INSRR: variants seen among roughly 807,000 people sequenced by gnomAD.
INSRR encodes insulin receptor related receptor.
INSRR carries 114 observed loss-of-function variants against 130.0 expected under a neutral mutation model. That is an observed-to-expected ratio of 0.88 (90% CI 0.75 to 1.02). INSRR has a LOEUF of 1.02. INSRR is among the 50% of genes least tolerant of loss of function. INSRR has a pLI of 0.00. For synonymous variants in INSRR, 674 were observed against 705.2 expected, an observed-to-expected ratio of 0.96 and a Z score of 0.70; for missense variants, 1,657 against 1,735.2, an observed-to-expected ratio of 0.95 and a Z score of 0.80.
chr1:156,849,503 C>CTGG, intron 5 of INSRR, 43 bp from the exon 6 acceptor site: 3 of 483,644 alleles, frequency 6.2e-6, no homozygotes, highest in Non-Finnish European at 1.0e-5. Flanking sequence ...GAGGTGGGGG[C>CTGG]AGGGGGTGGG....
In INSRR at chr1:156,854,431, G is replaced by A; in HGVS notation, c.86-128C>T. On this transcript the variant is annotated intron_variant, in intron 1 of 21. Transcript: ENST00000368195. The surrounding 1 kb of genome is among the most constrained non-coding windows in gnomAD (Gnocchi z 4.2). Reference sequence around the variant, plus strand: ...AGTGAGGAGCCGGGCTCTGCTCTGGGTGTGGGGTGGCCTCCTTCCTGGGCC... The same window carrying A: ...AGTGAGGAGCCGGGCTCTGCTCTGGATGTGGGGTGGCCTCCTTCCTGGGCC... 9.8e-7 allele frequency: 1 copy of A among 1,021,074 alleles called. No individual in the cohort carries two copies. Among genetic ancestry groups the A allele is most frequent in the Non-Finnish European group, 1.4e-6 (1 of 716,640 alleles). The allele number at this position is 1,021,074 out of a possible 1,614,324, so 63.3% of individuals were successfully genotyped here. A position where few individuals can be genotyped will look rare whatever the true frequency, so the allele number is the denominator to read the frequency against.
At chr1:156,842,326 C>T in intron 18 of INSRR, 55 bp from the exon 19 acceptor site, 1 of 1,613,344 alleles carries the variant, frequency 6.2e-7, no homozygotes, top group South Asian at 1.1e-5. Context: ...GGTCTCCTGT[C>T]CAGAACTGGC....
Position 156,858,651 on chromosome 1 carries a change from G to A in INSRR, c.-30C>T, listed in dbSNP as rs749832322. 21 of 1,591,488 alleles carry A rather than the reference G, an allele frequency of 1.3e-5. No homozygotes were observed. Among genetic ancestry groups the A allele is most frequent in the Non-Finnish European group, 1.8e-5 (21 of 1,159,438 alleles). On this transcript the variant is annotated 5_prime_UTR_variant, in exon 1 of 22. Coordinates refer to ENST00000368195, the MANE Select transcript of INSRR (RefSeq NM_014215.3). Reference sequence around the variant, plus strand: ...CCAGCCCTGGCTTGTGTCCAGTCCCGGCTCTCCTCCCGGTGACTCTGGGGA... The same window carrying A: ...CCAGCCCTGGCTTGTGTCCAGTCCCAGCTCTCCTCCCGGTGACTCTGGGGA...
chr1:156,853,635 G>T (rs1167587205), intron 2 of INSRR, 117 bp downstream of exon 2: 7 of 1,031,920 alleles, frequency 6.8e-6, no homozygotes, highest in Admixed American at 2.3e-5. Context: ...TAGGATGAGT[G>T]AGGATTAAAA....
In INSRR at chr1:156,851,414, G is replaced by T; in HGVS notation, c.1105C>A (p.Gln369Lys). ...GTTTCTACCAGCCCCAGGCTGTGCT[G>T]CAGCTGTGGCTCCAGGTTGTCTAGG... The part of the protein sequence containing the change: ...RQGYNLEPQL[Q>K]HSLGLVETIT... Residue 369 changes from glutamine (Q) to lysine (K), a missense_variant, in exon 5 of 22, where the codon CAG becomes AAG. Coordinates refer to ENST00000368195, the MANE Select transcript of INSRR (RefSeq NM_014215.3). 1 of 1,614,176 alleles carries T rather than the reference G, an allele frequency of 6.2e-7. No individual in the cohort carries two copies.
intron 2 of INSRR, among the ~76,000 whole-genome samples, chr1:156,853,157 C>A: frequency 6.6e-6 from 1 of 152,160 alleles, no homozygotes; most frequent in South Asian, 2.1e-4. Flanking sequence ...TTCAGTTCTT[C>A]ATTGATCATC....
At position 156,858,790 on chromosome 1, in the gene INSRR, GA is replaced by G; in HGVS notation, c.-170del. Reference sequence around the variant, plus strand: ...AGAGACAGCAGGAGACAGAAAAAAAGAAATGAGAGTCACAGAGACACAAAGA... The same window carrying G: ...AGAGACAGCAGGAGACAGAAAAAAAGAATGAGAGTCACAGAGACACAAAGA... On this transcript the variant is annotated 5_prime_UTR_variant, in exon 1 of 22. The change creates a premature stop within an existing upstream ORF in the 5' untranslated region. Coordinates refer to ENST00000368195, the MANE Select transcript of INSRR (RefSeq NM_014215.3). 3.2e-6 allele frequency: 2 copies of G among 621,526 alleles called. No individual in the cohort carries two copies. Among genetic ancestry groups the G allele is most frequent in the Non-Finnish European group, 5.8e-6 (2 of 347,756 alleles). 38.5% of individuals were successfully genotyped at this position (621,526 alleles called of 1,614,324 possible). A position where few individuals can be genotyped will look rare whatever the true frequency, so the allele number is the denominator to read the frequency against.
chr1:156,852,709 G>A (rs190116579), intron 2 of INSRR, among the ~76,000 whole-genome samples: 3 of 152,362 alleles, frequency 2.0e-5, no homozygotes, highest in Non-Finnish European at 4.4e-5. Context: ...TGGAGCTGGA[G>A]GCCCAATCGC....
intron 5 of INSRR, among the ~76,000 whole-genome samples, chr1:156,850,598 A>T (rs1210801514): frequency 8.4e-6 from 1 of 118,624 alleles, no homozygotes; most frequent in African/African-American, 3.3e-5. Flanking sequence ...CTCAGGCCCT[A>T]GGCTGGAGTG....
At chr1:156,846,818 C>T in intron 7 of INSRR, 61 bp from the exon 8 acceptor site, 1 of 1,359,480 alleles carries the variant, frequency 7.4e-7, no homozygotes, top group South Asian at 1.2e-5. Flanking sequence ...TCTGGCACCC[C>T]CGCTCTGAAT....
chr1:156,855,033 C>G (rs1244533676), intron 1 of INSRR, among the ~76,000 whole-genome samples: 1 of 152,122 alleles, frequency 6.6e-6, no homozygotes, highest in African/African-American at 2.4e-5. Context: ...ACTACTATAA[C>G]AAGCCAGCAA....
At chr1:156,856,917 T>C (rs190112874) in intron 1 of INSRR, among the ~76,000 whole-genome samples, 171 of 152,252 alleles carry the variant, frequency 1.1e-3, no homozygotes, top group African/African-American at 3.9e-3. Flanking sequence ...CTGCAGAAGA[T>C]TCAAGTCTGA....
Position 156,845,385 on chromosome 1 carries a change from T to G in INSRR, c.2203A>C (p.Lys735Gln), listed in dbSNP as rs563551070. ...AGTCCTGCTCACCTTTGGGGGCTCT[T>G]GTTGATGGACGTCACCTTCCAAGGG... ...ISPWKVTSIN[K>Q]SPQRDSGRHR... is the part of the protein sequence containing the mutation. The change falls in exon 11 of 22, where the codon AAG becomes CAG. Residue 735 changes from lysine (K) to glutamine (Q), a missense_variant. Coordinates refer to ENST00000368195, the MANE Select transcript of INSRR (RefSeq NM_014215.3). 6.4e-7 allele frequency: 1 copy of G among 1,569,964 alleles called. No individual in the cohort carries two copies. Among genetic ancestry groups the G allele is most frequent in the East Asian group, 2.3e-5 (1 of 44,430 alleles).
intron 7 of INSRR, among the ~76,000 whole-genome samples, chr1:156,847,574 G>A (rs975627198): frequency 2.0e-5 from 3 of 152,196 alleles, no homozygotes; most frequent in African/African-American, 7.2e-5. Flanking sequence ...AAACTTGAGG[G>A]AGGTCAAATT....
Position 156,854,459 on chromosome 1 carries a change from G to A in INSRR, c.86-156C>T, listed in dbSNP as rs74118780. Among the ~76,000 whole-genome samples, 815 of 152,224 alleles carry A rather than the reference G, an allele frequency of 5.4e-3. 8 individuals are homozygous for A. Among genetic ancestry groups the A allele is most frequent in the African/African-American group, 0.019 (787 of 41,530 alleles). On this transcript the variant is annotated intron_variant, in intron 1 of 21. Transcript: ENST00000368195. This position sits in a 1 kb window ranked among gnomAD's most constrained non-coding sequence, Gnocchi z 4.2. Reference sequence around the variant, plus strand: ...TGGGGTGGCCTCCTTCCTGGGCCCCGGAGGGCTCACCTGCAGCCTGCAGGG... The same window carrying A: ...TGGGGTGGCCTCCTTCCTGGGCCCCAGAGGGCTCACCTGCAGCCTGCAGGG...
At chr1:156,845,867 A>G in intron 9 of INSRR, 53 bp from the exon 10 acceptor site, 1 of 1,601,156 alleles carries the variant, frequency 6.2e-7, no homozygotes, top group South Asian at 1.1e-5. Flanking sequence ...CCCGCCTCTG[A>G]TCCCCCCCAC....
intron 16 of INSRR, 60 bp from the exon 17 acceptor site, chr1:156,843,293 C>T: frequency 6.3e-7 from 1 of 1,575,750 alleles, no homozygotes; most frequent in Non-Finnish European, 8.7e-7. Context: ...CCTCACCCCC[C>T]AACTTCTCTT....
intron 7 of INSRR, among the ~76,000 whole-genome samples, 193 bp downstream of exon 7, chr1:156,848,728 A>G (rs1197311255): frequency 6.6e-6 from 1 of 152,158 alleles, no homozygotes; most frequent in Non-Finnish European, 1.5e-5. Context: ...GTGAGGGGAA[A>G]CCGAGGCATG....
chr1:156,845,333 A>C (rs1209626134), intron 11 of INSRR, 37 bp from the exon 12 acceptor site: 1 of 1,609,016 alleles, frequency 6.2e-7, no homozygotes, highest in Non-Finnish European at 8.5e-7. Flanking sequence ...CCCAGCCCCC[A>C]AAGCCACGCC....
Sources: gnomAD v4.1 joint callset for allele counts (sites outside exome capture counted in the v4.1 genomes callset) on GRCh38, gnomAD v4.1.1 for gene constraint, Gnocchi (gnomAD v3.1) non-coding constraint, MANE v1.5 for transcripts, NCBI Gene and HGNC (gene_info 2026-07-23, HGNC 2026-07-21) for gene names.